The following COMMD1 variants were observed in gnomAD, a reference collection of about 807,000 sequenced individuals.
COMMD1 encodes COMM domain-containing protein 1.
COMMD1 carries 10 observed loss-of-function variants against 17.2 expected under a neutral mutation model. That is an observed-to-expected ratio of 0.58 (90% CI 0.36 to 0.99). The LOEUF is 0.99. COMMD1 is among the 50% of genes least tolerant of loss of function. The pLI is 0.01. For missense variants in COMMD1, 270 were observed against 231.8 expected (o/e 1.17, Z -1.07); for synonymous variants, 97 against 91.6 (o/e 1.06, Z -0.34).
At chr2:62,022,345 C>CT (rs768066931) in intron 2 of COMMD1, among the ~76,000 whole-genome samples, 4,547 of 140,718 alleles carry the variant, frequency 0.032, 106 homozygotes, top group Non-Finnish European at 0.047. Context: ...GGTTTTGCTC[C>CT]TTTTTTTTTT....
At chr2:61,933,257 A>G (rs1197131368) in intron 1 of COMMD1, among the ~76,000 whole-genome samples, 1 of 151,410 alleles carries the variant, frequency 6.6e-6, no homozygotes, top group Non-Finnish European at 1.5e-5. Flanking sequence ...TTGTATCCAC[A>G]TTGCTCAGCT....
chr2:62,134,084 G>A (rs1156604812), intron 2 of COMMD1, among the ~76,000 whole-genome samples: 1 of 152,142 alleles, frequency 6.6e-6, no homozygotes, highest in Non-Finnish European at 1.5e-5. Flanking sequence ...TTACAGGCAT[G>A]AGCCACCATG....
chr2:62,089,800 G>A (rs948234547), intron 2 of COMMD1, among the ~76,000 whole-genome samples: 1 of 152,066 alleles, frequency 6.6e-6, no homozygotes, highest in Admixed American at 6.6e-5. Flanking sequence ...AAAAATGAGA[G>A]CTTTGTCCTC....
intron 2 of COMMD1, among the ~76,000 whole-genome samples, chr2:62,103,987 C>T (rs1445224587): frequency 1.3e-5 from 2 of 152,064 alleles, no homozygotes; most frequent in Non-Finnish European, 2.9e-5. Context: ...ACTGCACACA[C>T]ATGCCACCAC....
intron 1 of COMMD1, among the ~76,000 whole-genome samples, chr2:61,929,108 G>A (rs763855997): frequency 3.3e-5 from 5 of 152,154 alleles, no homozygotes; most frequent in Non-Finnish European, 7.3e-5. Context: ...GCCCTTACTG[G>A]GCAAGTGTTC....
intron 2 of COMMD1, among the ~76,000 whole-genome samples, chr2:62,067,366 C>T (rs1466825020): frequency 2.0e-5 from 3 of 152,030 alleles, no homozygotes; most frequent in Non-Finnish European, 4.4e-5. Context: ...TTGTATAGTT[C>T]ATTCTAGGTA....
At chr2:62,076,914 T>G (rs1379282269) in intron 2 of COMMD1, among the ~76,000 whole-genome samples, 1 of 152,112 alleles carries the variant, frequency 6.6e-6, no homozygotes, top group African/African-American at 2.4e-5. Flanking sequence ...GGAGGATCAT[T>G]TGAGCCCAAG....
intron 2 of COMMD1, among the ~76,000 whole-genome samples, chr2:62,024,629 T>G (rs1669704292): frequency 6.6e-6 from 1 of 152,218 alleles, no homozygotes; most frequent in Non-Finnish European, 1.5e-5. Flanking sequence ...CTAGTTAGTC[T>G]CTTAAGAGTG....
At chr2:61,961,625 A>C (rs987133991) in intron 1 of COMMD1, among the ~76,000 whole-genome samples, 1 of 152,226 alleles carries the variant, frequency 6.6e-6, no homozygotes, top group East Asian at 1.9e-4. Context: ...TTTATTGGAT[A>C]ATTTCCTCTA....
At chr2:62,108,639 C>T (rs1468286378) in intron 2 of COMMD1, among the ~76,000 whole-genome samples, 2 of 152,028 alleles carry the variant, frequency 1.3e-5, no homozygotes, top group Non-Finnish European at 2.9e-5. Flanking sequence ...TTTTGCCCTT[C>T]CTGTATAAAA....
chr2:62,021,701 A>G (rs1450835133), intron 2 of COMMD1, among the ~76,000 whole-genome samples: 2 of 152,234 alleles, frequency 1.3e-5, no homozygotes, highest in East Asian at 3.8e-4. Context: ...AAGCTGAAGA[A>G]TGGAAACACC....
chr2:62,034,591 T>C (rs1381314508), intron 2 of COMMD1, among the ~76,000 whole-genome samples: 1 of 152,230 alleles, frequency 6.6e-6, no homozygotes, highest in African/African-American at 2.4e-5. Context: ...CAACTATTCA[T>C]GAACATCTAA....
At chr2:62,021,968 CA>C (rs1181389469) in intron 2 of COMMD1, among the ~76,000 whole-genome samples, 1 of 138,260 alleles carries the variant, frequency 7.2e-6, no homozygotes, top group Non-Finnish European at 1.5e-5. Flanking sequence ...CTTTGATGTA[CA>C]AAGGTTTTTA....
rs796417473 is a variant in COMMD1 at position 61,975,889 on chromosome 2, T to G, written c.181-24812T>G. On this transcript the variant is annotated intron_variant, in intron 1 of 2. Coordinates refer to ENST00000311832, the MANE Select transcript of COMMD1 (RefSeq NM_152516.4). The stretch of plus-strand genomic sequence containing the variant: ...AAGTTGTGTTTTATGGCCCAGAATG[T>G]GGTCTGTCTTGGTCGTTGTTCCATG... Among the ~76,000 whole-genome samples the G allele has an allele frequency of 1.4e-4, 21 of 152,276 alleles. 1 individual carries two copies. Among genetic ancestry groups the G allele is most frequent in the African/African-American group, 5.1e-4 (21 of 41,556 alleles).
At chr2:62,052,798 G>C (rs1193967969) in intron 2 of COMMD1, among the ~76,000 whole-genome samples, 1 of 152,156 alleles carries the variant, frequency 6.6e-6, no homozygotes, top group East Asian at 1.9e-4. Flanking sequence ...TCTTGGCCTG[G>C]ATGTGGTGGC....
chr2:62,042,784 C>G (rs1412749128), intron 2 of COMMD1, among the ~76,000 whole-genome samples: 4 of 152,232 alleles, frequency 2.6e-5, no homozygotes, highest in Non-Finnish European at 4.4e-5. Context: ...TAAGCCACCA[C>G]ACACCCGGCC....
intron 1 of COMMD1, among the ~76,000 whole-genome samples, chr2:61,906,087 A>G (rs1213650422): frequency 6.6e-6 from 1 of 152,184 alleles, no homozygotes; most frequent in East Asian, 1.9e-4. Flanking sequence ...CCCCCGGTAG[A>G]CTGACACCCA....
intron 2 of COMMD1, among the ~76,000 whole-genome samples, chr2:62,015,104 A>T (rs963825155): frequency 6.6e-6 from 1 of 152,198 alleles, no homozygotes; most frequent in Non-Finnish European, 1.5e-5. Context: ...GATGTTGTAT[A>T]ACCATCACCA....
At chr2:61,936,308 C>G (rs1161576727) in intron 1 of COMMD1, among the ~76,000 whole-genome samples, 4 of 151,654 alleles carry the variant, frequency 2.6e-5, no homozygotes, top group East Asian at 1.9e-4. Context: ...CTATGGGTCT[C>G]TGAGGCAGTC....
Sources: gnomAD v4.1 joint callset for allele counts (sites outside exome capture counted in the v4.1 genomes callset) on GRCh38, gnomAD v4.1.1 for gene constraint, MANE v1.5 for transcripts, NCBI Gene and HGNC (gene_info 2026-07-23, HGNC 2026-07-21) for gene names.